LLGL1: variants seen among roughly 807,000 people sequenced by gnomAD.
LLGL1 encodes lethal(2) giant larvae protein homolog 1.
LLGL1 carries 58 observed loss-of-function variants against 110.6 expected under a neutral mutation model. That is an observed-to-expected ratio of 0.52 (90% confidence interval 0.42 to 0.65). The LOEUF is 0.65. Ranked by LOEUF, LLGL1 falls within the 30% of genes least tolerant of loss-of-function variation. The pLI is 0.00. For missense variants in LLGL1, 1,229 were observed against 1,462.1 expected (o/e 0.84, Z 2.60); for synonymous variants, 674 against 607.2 (o/e 1.11, Z -1.62).
At chr17:18,242,030 G>A (rs2047847942) in intron 19 of LLGL1, 31 bp downstream of exon 19, 3 of 1,581,244 alleles carry the variant, frequency 1.9e-6, no homozygotes, top group East Asian at 2.2e-5. Context: ...TAGCCTGGGG[G>A]ACCTGTGCCC....
rs112893373 is a variant in LLGL1, at chr17:18,237,600, C to A, written c.1731C>A (p.Arg577=). Reference sequence around the variant, plus strand: ...AGGGCCACGAGCGGCTGAGCCCACGCACGGGGCCGCTGCCCTGGCCTGCTG... The same window carrying A: ...AGGGCCACGAGCGGCTGAGCCCACGAACGGGGCCGCTGCCCTGGCCTGCTG... ...TWKGHERLSP[R]TGPLPWPAGF... is the part of the protein sequence containing the mutation. Residue 577 remains arginine (R), a synonymous_variant, in exon 14 of 23, where the codon CGC becomes CGA. Transcript: ENST00000316843. The A allele has an allele frequency of 6.2e-7, 1 of 1,610,960 alleles. No homozygotes were observed. The highest frequency in any genetic ancestry group is 1.3e-5 in the African/African-American group (1 of 74,980).
At chr17:18,226,157 C>T (rs1013254374) in intron 1 of LLGL1, among the ~76,000 whole-genome samples, 4 of 152,068 alleles carry the variant, frequency 2.6e-5, no homozygotes, top group Non-Finnish European at 4.4e-5. Flanking sequence ...CTGCCTCTGC[C>T]CCTTCCTATC....
chr17:18,234,295 G>C lies in LLGL1; in HGVS notation c.737G>C (p.Gly246Ala), dbSNP rs1034438992. The C allele has an allele frequency of 1.2e-6, 2 of 1,606,502 alleles. No individual in the cohort carries two copies. Among genetic ancestry groups the C allele is most frequent in the Admixed American group, 1.7e-5 (1 of 58,854 alleles). Residue 246 changes from glycine to alanine, a missense_variant, in exon 7 of 23, where the codon GGG (glycine) becomes GCG (alanine). By Grantham distance (60) the Gly-to-Ala change is moderately conservative. Coordinates refer to ENST00000316843, the MANE Select transcript of LLGL1 (RefSeq NM_004140.4). The part of the protein sequence containing the change: ...GNQQLESLCW[G>A]RDSSTVVSSH... ...CAGCAGCTGGAGAGCCTATGCTGGG[G>C]GCGTGATAGCAGCACTGTGGTCAGC...
In LLGL1 at chr17:18,237,528, C is replaced by T. The variant is rs774269401; in HGVS notation, c.1659C>T (p.Ser553=). 9.4e-6 allele frequency: 15 copies of T among 1,602,074 alleles called. No homozygotes were observed. The highest frequency in any genetic ancestry group is 1.3e-5 in the African/African-American group (1 of 74,694). Residue 553 remains serine, a synonymous_variant, in exon 14 of 23, where the codon AGC becomes AGT. Coordinates refer to ENST00000316843, the MANE Select transcript of LLGL1 (RefSeq NM_004140.4). ...LSDVPVEQAV[S]VAIIDLLQDR... ...ATGTGCCGGTGGAGCAGGCGGTCAG[C>T]GTGGCCATCATAGACCTCCTCCAGG... is the stretch of plus-strand genomic sequence containing the variant.
At chr17:18,241,809 G>C in intron 18 of LLGL1, 76 bp from the exon 19 acceptor site, 1 of 1,606,516 alleles carries the variant, frequency 6.2e-7, no homozygotes, top group Non-Finnish European at 8.5e-7. Flanking sequence ...CTCCAGGTGG[G>C]CACAGGCCCA....
chr17:18,238,001 A>G (rs1301413269), intron 14 of LLGL1, 66 bp from the exon 15 acceptor site: 30 of 1,571,962 alleles, frequency 1.9e-5, no homozygotes, highest in Non-Finnish European at 2.5e-5. Context: ...TCCACAGGCC[A>G]GCAGGAGTGT....
chr17:18,226,732 T>C (rs937588276), intron 1 of LLGL1, among the ~76,000 whole-genome samples: 3 of 152,186 alleles, frequency 2.0e-5, no homozygotes, highest in Admixed American at 2.0e-4. Context: ...AGTGGGACAC[T>C]AGGGGCCAGG....
chr17:18,237,050 T>A, intron 13 of LLGL1, 111 bp downstream of exon 13: 1 of 934,042 alleles, frequency 1.1e-6, no homozygotes, highest in Non-Finnish European at 1.6e-6. Flanking sequence ...AAAGCCAAGG[T>A]GGGAATAGGG....
At chr17:18,226,417 T>A (rs1186058840) in intron 1 of LLGL1, among the ~76,000 whole-genome samples, 1 of 152,014 alleles carries the variant, frequency 6.6e-6, no homozygotes, top group East Asian at 1.9e-4. Context: ...AGAGAGTTAG[T>A]GGGGGCGAGG....
intron 1 of LLGL1, among the ~76,000 whole-genome samples, chr17:18,229,607 C>T (rs752590310): frequency 1.3e-5 from 2 of 152,164 alleles, no homozygotes; most frequent in Non-Finnish European, 1.5e-5. Context: ...AGCCTTGCTT[C>T]ACCTGTTTGT....
At chr17:18,231,531 C>G (rs2047568965) in intron 2 of LLGL1, among the ~76,000 whole-genome samples, 1 of 152,218 alleles carries the variant, frequency 6.6e-6, no homozygotes, top group South Asian at 2.1e-4. Flanking sequence ...TGACACTGGG[C>G]ACTTCAAGCA....
Position 18,232,675 on chromosome 17 carries a change from C to T in LLGL1, c.265C>T (p.Arg89Cys), listed in dbSNP as rs775418941. The T allele has an allele frequency of 5.0e-6, 8 of 1,614,168 alleles. No homozygotes were observed. The South Asian group carries it at 5.5e-5, about 11-fold the overall frequency. The change falls in exon 4 of 23, where the codon CGC (arginine) becomes TGC (cysteine). Residue 89 changes from arginine to cysteine, a missense_variant. Coordinates refer to ENST00000316843, the MANE Select transcript of LLGL1 (RefSeq NM_004140.4). ...TTCATCTCTGCTCACACACCAGGGCCGCCTCCTGTCCCTGCTTGATGACAG... is the reference window on the plus strand; with the variant it reads ...TTCATCTCTGCTCACACACCAGGGCTGCCTCCTGTCCCTGCTTGATGACAG... ...TQMHFLTGQG[R>C]LLSLLDDSSL... is the part of the protein sequence containing the mutation.
At position 18,244,365 on chromosome 17, in the gene LLGL1, C is replaced by A. The variant is rs113978084; in HGVS notation, c.*459C>A. The stretch of plus-strand genomic sequence containing the variant: ...CCCGCCATTCTTCTGCCTCAGCCTC[C>A]CAAGTAGCTGGGACTACAGGCGCCC... On this transcript the variant is annotated 3_prime_UTR_variant, in exon 23 of 23. Transcript: ENST00000316843. 19,277 of 152,020 alleles carry A rather than the reference C, an allele frequency of 0.13. 1,354 individuals are homozygous for A. The highest frequency in any genetic ancestry group is 0.18 in the South Asian group (865 of 4,808). 9.4% of individuals were successfully genotyped at this position (152,020 alleles called of 1,614,324 possible). A position where few individuals can be genotyped will look rare whatever the true frequency, so the allele number is the denominator to read the frequency against.
In LLGL1 at chr17:18,241,327, G is replaced by T. The variant is rs2047826277; in HGVS notation, c.2503-124G>T. On this transcript the variant is annotated intron_variant, in intron 17 of 22. Coordinates refer to ENST00000316843, the MANE Select transcript of LLGL1 (RefSeq NM_004140.4). ...TGGGGCAGCCAGGTGTACAGGCACGGGAGGCCACGTAGCATGCAGCTGGGC... is the reference window on the plus strand; with the variant it reads ...TGGGGCAGCCAGGTGTACAGGCACGTGAGGCCACGTAGCATGCAGCTGGGC... 3.1e-6 allele frequency: 4 copies of T among 1,282,418 alleles called. No homozygotes were observed. In the South Asian group the frequency reaches 5.8e-5, roughly 19 times the overall value. The allele number at this position is 1,282,418 out of a possible 1,614,324, so 79.4% of individuals were successfully genotyped here. A position where few individuals can be genotyped will look rare whatever the true frequency, so the allele number is the denominator to read the frequency against.
At chr17:18,238,825 A>G (rs1243761942) in intron 16 of LLGL1, among the ~76,000 whole-genome samples, 1 of 152,210 alleles carries the variant, frequency 6.6e-6, no homozygotes, top group Non-Finnish European at 1.5e-5. Flanking sequence ...CGCCAGGCCA[A>G]CATGGTGAAA....
At chr17:18,225,940 A>G (rs1458903449) in intron 1 of LLGL1, among the ~76,000 whole-genome samples, 177 bp downstream of exon 1, 2 of 148,068 alleles carry the variant, frequency 1.4e-5, no homozygotes, top group Non-Finnish European at 3.0e-5. Flanking sequence ...TCTGGCTCGG[A>G]CTCTGGGTGG....
In LLGL1 at chr17:18,230,985, A is replaced by G. The variant is rs553693753; in HGVS notation, c.179+947A>G. ...TGAGTGTGGCAGTGCTCTGGGCCCCACATGCTCCGCTGCCTGGCCTGCTGC... is the reference window on the plus strand; with the variant it reads ...TGAGTGTGGCAGTGCTCTGGGCCCCGCATGCTCCGCTGCCTGGCCTGCTGC... On this transcript the variant is annotated intron_variant, in intron 2 of 22. Transcript: ENST00000316843. Among the ~76,000 whole-genome samples the G allele has an allele frequency of 7.6e-4, 115 of 152,230 alleles. No homozygotes were observed. The Middle Eastern group carries it at 0.014, about 18-fold the overall frequency.
At chr17:18,241,767 G>A in intron 18 of LLGL1, 52 bp downstream of exon 18, 1 of 1,608,022 alleles carries the variant, frequency 6.2e-7, no homozygotes, top group Non-Finnish European at 8.5e-7. Context: ...CGAACTGAGT[G>A]GGACCAGTAC....
chr17:18,239,692 G>C (rs2047780521), intron 16 of LLGL1, among the ~76,000 whole-genome samples: 1 of 152,068 alleles, frequency 6.6e-6, no homozygotes, highest in African/African-American at 2.4e-5. Flanking sequence ...GAGGGTCTTT[G>C]TGCAGTGGAT....
Sources: gnomAD v4.1 joint callset for allele counts (sites outside exome capture counted in the v4.1 genomes callset) on GRCh38, gnomAD v4.1.1 for gene constraint, MANE v1.5 for transcripts, NCBI Gene and HGNC (gene_info 2026-07-23, HGNC 2026-07-21) for gene names.